Variants in CEP85L observed in about 807,000 individuals in gnomAD.
The protein encoded by CEP85L is centrosomal protein 85L, also known as centrosomal protein of 85 kDa-like.
A neutral mutation model predicts 100.3 loss-of-function variants in CEP85L; 60 were observed. That is an observed-to-expected ratio of 0.60 (90% CI 0.49 to 0.74). CEP85L has a LOEUF of 0.74. Ranked by LOEUF, CEP85L falls within the 30% of genes least tolerant of loss-of-function variation. The pLI, the probability that CEP85L is intolerant of heterozygous loss-of-function variation, is 0.00. For synonymous variants in CEP85L, 319 were observed against 322.7 expected, an observed-to-expected ratio of 0.99 and a Z score of 0.12; for missense variants, 973 against 936.2, an observed-to-expected ratio of 1.04 and a Z score of -0.51.
intron 1 of CEP85L, among the ~76,000 whole-genome samples, chr6:118,670,383 C>T (rs1776263978): frequency 1.3e-5 from 2 of 152,000 alleles, no homozygotes; most frequent in African/African-American, 4.8e-5. Context: ...CCTTCTTCCA[C>T]CCTCCACCCT....
At chr6:118,638,944 ACT>A (rs1261644156) in intron 1 of CEP85L, among the ~76,000 whole-genome samples, 2 of 152,140 alleles carry the variant, frequency 1.3e-5, no homozygotes, top group African/African-American at 2.4e-5. Context: ...AACAAGAACT[ACT>A]CTCATTGAAT....
chr6:118,625,845 T>C (rs895589902), intron 2 of CEP85L, among the ~76,000 whole-genome samples: 1 of 152,170 alleles, frequency 6.6e-6, no homozygotes, highest in Non-Finnish European at 1.5e-5. Flanking sequence ...TTAACCTCCT[T>C]GTCAAATTTA....
intron 1 of CEP85L, among the ~76,000 whole-genome samples, chr6:118,670,466 G>A (rs1776268163): frequency 6.7e-6 from 1 of 149,626 alleles, no homozygotes; most frequent in Admixed American, 6.6e-5. Flanking sequence ...TCCCTTCTTT[G>A]TGGCCACGTG....
intron 1 of CEP85L, among the ~76,000 whole-genome samples, chr6:118,671,940 A>G (rs957782601): frequency 1.3e-5 from 2 of 152,212 alleles, no homozygotes; most frequent in African/African-American, 4.8e-5. Flanking sequence ...CTATCCCCCA[A>G]AAATAAATAA....
intron 1 of CEP85L, among the ~76,000 whole-genome samples, chr6:118,669,571 A>G (rs1055125030): frequency 3.9e-5 from 6 of 152,168 alleles, no homozygotes; most frequent in African/African-American, 1.4e-4. Context: ...TAGGGTCTAT[A>G]AATATTTTCA....
chr6:118,525,401 G>T (rs947872980), intron 3 of CEP85L, among the ~76,000 whole-genome samples: 2 of 152,172 alleles, frequency 1.3e-5, no homozygotes, highest in Non-Finnish European at 2.9e-5. Flanking sequence ...TTCAGAAAGT[G>T]ATCTTATTTG....
intron 1 of CEP85L, among the ~76,000 whole-genome samples, chr6:118,701,583 T>C (rs1041185162): frequency 3.9e-5 from 6 of 152,198 alleles, no homozygotes; most frequent in African/African-American, 1.4e-4. Flanking sequence ...TGAGTATTCA[T>C]GGACATAAAG....
Position 118,583,646 on chromosome 6 carries a change from A to C in CEP85L, c.233-17330T>G, listed in dbSNP as rs576226634. ...ACTACGCCAGTCCAGATCTATCTTA[A>C]GGATCCCACTTCTTTTCCTAACCAG... is the stretch of plus-strand genomic sequence containing the variant. On this transcript the variant is annotated intron_variant, in intron 2 of 12. Coordinates refer to ENST00000368491, the MANE Select transcript of CEP85L (RefSeq NM_001042475.3). 3.9e-5 allele frequency among the ~76,000 whole-genome samples: 6 copies of C among 152,296 alleles called. No homozygotes were observed. In the East Asian group the frequency reaches 1.2e-3, roughly 29 times the overall value.
intron 4 of CEP85L, among the ~76,000 whole-genome samples, chr6:118,518,012 T>C (rs770526405): frequency 9.2e-5 from 14 of 151,890 alleles, no homozygotes; most frequent in Non-Finnish European, 2.1e-4. Context: ...TTGTCATTGG[T>C]TTTATGTGAT....
chr6:118,651,305 G>A lies in CEP85L; in HGVS notation c.-36C>T, dbSNP rs1352769093. The A allele has an allele frequency of 4.1e-6, 6 of 1,454,556 alleles. No homozygotes were observed. Among genetic ancestry groups the A allele is most frequent in the Non-Finnish European group, 5.4e-6 (6 of 1,106,458 alleles). The allele number at this position is 1,454,556 out of a possible 1,614,324, so 90.1% of individuals were successfully genotyped here. A position where few individuals can be genotyped will look rare whatever the true frequency, so the allele number is the denominator to read the frequency against. On this transcript the variant is annotated 5_prime_UTR_variant, in exon 1 of 13. Transcript: ENST00000368491. Reference sequence around the variant, plus strand: ...AGGGCCGGGTGGGCCAGGGACGCCCGACTCCTCACGTCCGTCCTCCTGCTT... The same window carrying A: ...AGGGCCGGGTGGGCCAGGGACGCCCAACTCCTCACGTCCGTCCTCCTGCTT...
chr6:118,518,671 C>T (rs1156485552), intron 4 of CEP85L, among the ~76,000 whole-genome samples: 1 of 151,988 alleles, frequency 6.6e-6, no homozygotes, highest in African/African-American at 2.4e-5. Context: ...TTGATCTTTT[C>T]AAAAAACCAC....
intron 1 of CEP85L, among the ~76,000 whole-genome samples, chr6:118,636,139 CAGGTGACA>C (rs1056308608): frequency 3.9e-5 from 6 of 152,242 alleles, no homozygotes; most frequent in African/African-American, 1.4e-4. Flanking sequence ...TTTACAAAAA[CAGGTGACA>C]AGTCCAATGA....
At chr6:118,521,011 C>T (rs1458369357) in intron 4 of CEP85L, among the ~76,000 whole-genome samples, 1 of 152,020 alleles carries the variant, frequency 6.6e-6, no homozygotes, top group East Asian at 1.9e-4. Flanking sequence ...AAGTTATACG[C>T]AGTGTGAAAA....
At chr6:118,499,129 G>A (rs1346078791) in intron 5 of CEP85L, among the ~76,000 whole-genome samples, 1 of 152,020 alleles carries the variant, frequency 6.6e-6, no homozygotes, top group African/African-American at 2.4e-5. Flanking sequence ...TTATAGCATT[G>A]AATGCATATA....
At chr6:118,662,542 A>G (rs1776009313) in intron 1 of CEP85L, among the ~76,000 whole-genome samples, 1 of 152,116 alleles carries the variant, frequency 6.6e-6, no homozygotes, top group Non-Finnish European at 1.5e-5. Context: ...AAAGAAAAAA[A>G]AAAAAAAGAA....
intron 1 of CEP85L, among the ~76,000 whole-genome samples, chr6:118,646,452 T>C (rs1276418157): frequency 6.6e-6 from 1 of 152,030 alleles, no homozygotes; most frequent in African/African-American, 2.4e-5. Context: ...GCGGATCACT[T>C]GAGGTCAGGA....
chr6:118,562,979 C>T (rs1779309236), intron 3 of CEP85L, among the ~76,000 whole-genome samples: 1 of 152,078 alleles, frequency 6.6e-6, no homozygotes, highest in Non-Finnish European at 1.5e-5. Flanking sequence ...TCAAGGGGGC[C>T]ATGGAAAGGG....
At chr6:118,557,036 T>C (rs1484397909) in intron 3 of CEP85L, among the ~76,000 whole-genome samples, 2 of 152,318 alleles carry the variant, frequency 1.3e-5, no homozygotes, top group African/African-American at 4.8e-5. Context: ...ATAGGATATG[T>C]CTGTGGTAGT....
chr6:118,490,877 AT>A (rs1774509072), intron 6 of CEP85L, among the ~76,000 whole-genome samples: 3 of 152,186 alleles, frequency 2.0e-5, no homozygotes, highest in Admixed American at 2.0e-4. Context: ...AATTATACTG[AT>A]AATAATCAAA....
Sources: allele counts gnomAD v4.1 joint callset (sites outside exome capture counted in the v4.1 genomes callset), GRCh38; gene constraint gnomAD v4.1.1; transcripts MANE v1.5; gene names NCBI Gene and HGNC (gene_info 2026-07-23, HGNC 2026-07-21).